OCA2: variants seen among roughly 807,000 people sequenced by gnomAD.
The protein encoded by OCA2 is P protein.
Under a neutral mutation model 100.2 loss-of-function variants are expected in OCA2, and 77 were observed. That is an observed-to-expected ratio of 0.77 (90% CI 0.64 to 0.93). The LOEUF (loss-of-function observed/expected upper bound fraction) is 0.93. OCA2 is among the 40% of genes least tolerant of loss of function. The probability of loss-of-function intolerance (pLI) is 0.00; values close to 1 mark genes in which losing one functional copy is unlikely to be tolerated. For missense variants in OCA2, 1,062 were observed against 1,089.1 expected, an observed-to-expected ratio of 0.98 and a Z score of 0.35; for synonymous variants, 432 against 439.2, an observed-to-expected ratio of 0.98 and a Z score of 0.21.
At chr15:28,084,744 G>A (rs747135677) in intron 1 of OCA2, among the ~76,000 whole-genome samples, 1 of 152,142 alleles carries the variant, frequency 6.6e-6, no homozygotes, top group South Asian at 2.1e-4. Context: ...TGCTGGCTGT[G>A]GGCCAGCAAG....
chr15:27,925,066 C>A (rs2038995886), intron 19 of OCA2, among the ~76,000 whole-genome samples: 1 of 152,090 alleles, frequency 6.6e-6, no homozygotes, highest in South Asian at 2.1e-4. Flanking sequence ...ATACACTTAA[C>A]AACCGATCCT....
At chr15:27,921,377 A>AG (rs2038853940) in intron 19 of OCA2, among the ~76,000 whole-genome samples, 1 of 145,540 alleles carries the variant, frequency 6.9e-6, no homozygotes, top group Admixed American at 6.9e-5. Flanking sequence ...AAAAAGACAA[A>AG]ATAAAGGCAT....
At chr15:27,885,372 C>T (rs2037182347) in intron 19 of OCA2, among the ~76,000 whole-genome samples, 2 of 152,102 alleles carry the variant, frequency 1.3e-5, no homozygotes, top group Admixed American at 1.3e-4. Context: ...AAATCCAGAC[C>T]CATGGGAAGG....
At chr15:27,982,139 A>C (rs775580990) in intron 14 of OCA2, among the ~76,000 whole-genome samples, 3 of 152,198 alleles carry the variant, frequency 2.0e-5, no homozygotes, top group Non-Finnish European at 2.9e-5. Context: ...CAGAAGCAGA[A>C]GCTGTGCTGT....
At chr15:27,743,354 C>T in the OCA2 span, among the ~76,000 whole-genome samples, 1 of 152,180 alleles carries the variant, frequency 6.6e-6, no homozygotes, top group African/African-American at 2.4e-5. Flanking sequence ...GGGGTGGGGA[C>T]AGGTTTATTC....
At chr15:27,890,858 T>A (rs1026023580) in intron 19 of OCA2, among the ~76,000 whole-genome samples, 7 of 151,998 alleles carry the variant, frequency 4.6e-5, no homozygotes, top group Non-Finnish European at 8.8e-5. Flanking sequence ...AAACCCTGTC[T>A]CTACTAAAAA....
At chr15:28,041,003 T>C (rs913757701) in intron 2 of OCA2, among the ~76,000 whole-genome samples, 32 of 152,140 alleles carry the variant, frequency 2.1e-4, no homozygotes, top group African/African-American at 7.5e-4. Context: ...TAACTTATTC[T>C]ATGAGGCCAG....
In OCA2 at chr15:27,951,675, T is replaced by C. The variant is rs7173419; in HGVS notation, c.1951+109A>G. The C allele has an allele frequency of 0.66, 543,510 of 821,232 alleles. 195,446 individuals carry two copies. The highest frequency in any genetic ancestry group is 0.78 in the Non-Finnish European group (373,181 of 481,378). The allele number at this position is 821,232 out of a possible 1,614,324, so 50.9% of individuals were successfully genotyped here. The stretch of plus-strand genomic sequence containing the variant: ...CCTCCATCTCAGCCCTCTCTGGCCT[T>C]CCACCAGCCCGGCTGCCTGTGGGCA... On this transcript the variant is annotated intron_variant, in intron 18 of 23. Transcript: ENST00000354638.
intron 21 of OCA2, among the ~76,000 whole-genome samples, chr15:27,856,605 C>T (rs560010261): frequency 1.3e-5 from 2 of 151,994 alleles, no homozygotes; most frequent in African/African-American, 4.8e-5. Context: ...AGCACAGAGG[C>T]TGGCCATTGT....
intron 4 of OCA2, among the ~76,000 whole-genome samples, 184 bp from the exon 5 acceptor site, chr15:28,025,086 G>A (rs535625742): frequency 1.3e-5 from 2 of 152,290 alleles, no homozygotes; most frequent in South Asian, 4.1e-4. Context: ...CCCATCCAAA[G>A]GAGCATGGTG....
intron 16 of OCA2, 41 bp from the exon 17 acceptor site, chr15:27,955,256 G>C (rs764913532): frequency 6.9e-7 from 1 of 1,455,836 alleles, no homozygotes; most frequent in East Asian, 2.3e-5. Context: ...CCCTGGTCAC[G>C]CTGCGTGGTG....
intron 2 of OCA2, among the ~76,000 whole-genome samples, chr15:28,070,470 G>A (rs1178258452): frequency 9.3e-5 from 11 of 118,914 alleles, no homozygotes; most frequent in African/African-American, 2.0e-4. Flanking sequence ...CCGGCCAGCC[G>A]CCCAGTCCGG....
At chr15:28,083,257 T>C (rs2044709188) in intron 1 of OCA2, among the ~76,000 whole-genome samples, 1 of 152,332 alleles carries the variant, frequency 6.6e-6, no homozygotes, top group African/African-American at 2.4e-5. Flanking sequence ...AGCCAAGCAC[T>C]GACAGCCCCA....
chr15:28,076,790 T>G lies in OCA2; in HGVS notation c.227+4858A>C, dbSNP rs1414215509. ...TGAACCCGGGAAGCGGAGCTTGCAGTGAGCCGAGATTGCGCCACTGCAGTC... is the reference window on the plus strand; with the variant it reads ...TGAACCCGGGAAGCGGAGCTTGCAGGGAGCCGAGATTGCGCCACTGCAGTC... On this transcript the variant is annotated intron_variant, in intron 2 of 23. Coordinates refer to ENST00000354638, the MANE Select transcript of OCA2 (RefSeq NM_000275.3). Among the ~76,000 whole-genome samples, 5 of 136,614 alleles carry G rather than the reference T, an allele frequency of 3.7e-5. No individual in the cohort carries two copies. In the Admixed American group the frequency reaches 4.2e-4, roughly 12 times the overall value. The allele number at this position is 136,614 out of a possible 152,430, so 89.6% of individuals were successfully genotyped here.
At chr15:27,853,650 G>A (rs1192925709) in intron 21 of OCA2, among the ~76,000 whole-genome samples, 3 of 151,986 alleles carry the variant, frequency 2.0e-5, no homozygotes, top group Non-Finnish European at 4.4e-5. Flanking sequence ...AGAAGGAGCT[G>A]GGAAGGACAC....
rs1278838123 is a variant in OCA2, at chr15:28,069,417, C to T, written c.227+12231G>A. Among the ~76,000 whole-genome samples the T allele has an allele frequency of 6.5e-4, 30 of 45,996 alleles. 5 individuals are homozygous for T. In the African/African-American group the frequency reaches 8.1e-3, roughly 12 times the overall value. The allele number at this position is 45,996 out of a possible 152,430, so 30.2% of individuals were successfully genotyped here. A position where few individuals can be genotyped will look rare whatever the true frequency, so the allele number is the denominator to read the frequency against. On this transcript the variant is annotated intron_variant, in intron 2 of 23. Coordinates refer to ENST00000354638, the MANE Select transcript of OCA2 (RefSeq NM_000275.3). ...CCCTCCCCCTCCCCTTCCCCCTCCC[C>T]CTCCCCCTCCCCCTCCCCCTCTCCC... is the stretch of plus-strand genomic sequence containing the variant.
chr15:27,804,666 C>A (rs1566976635), intron 23 of OCA2, among the ~76,000 whole-genome samples: 1 of 152,190 alleles, frequency 6.6e-6, no homozygotes, highest in Non-Finnish European at 1.5e-5. Context: ...GGTTTCTCTT[C>A]TTTTCTAGGT....
intron 1 of OCA2, among the ~76,000 whole-genome samples, chr15:28,082,832 A>C (rs2044693018): frequency 6.6e-6 from 1 of 151,182 alleles, no homozygotes; most frequent in African/African-American, 2.5e-5. Flanking sequence ...TATTCTGGTG[A>C]GAATATAATA....
chr15:27,888,866 C>T (rs2037339452), intron 19 of OCA2, among the ~76,000 whole-genome samples: 1 of 152,030 alleles, frequency 6.6e-6, no homozygotes, highest in Non-Finnish European at 1.5e-5. Context: ...CAACCTTTAT[C>T]ACATTCTCTC....
Sources: gnomAD v4.1 joint callset for allele counts (sites outside exome capture counted in the v4.1 genomes callset) on GRCh38, gnomAD v4.1.1 for gene constraint, MANE v1.5 for transcripts, NCBI Gene and HGNC (gene_info 2026-07-23, HGNC 2026-07-21) for gene names.